Variants in ELP4 observed in about 807,000 individuals in gnomAD.
The protein encoded by ELP4 is elongator complex protein 4.
ELP4 carries 51 observed loss-of-function variants against 48.9 expected under a neutral mutation model. The observed-to-expected ratio is 1.04, with a 90% CI of 0.83 to 1.32. The LOEUF (loss-of-function observed/expected upper bound fraction) is 1.32, where lower values mean the gene tolerates loss of function less well. Ranked by LOEUF, ELP4 falls within the 40% of genes most tolerant of loss-of-function variation. The pLI is 0.00. For missense variants in ELP4, 519 were observed against 514.6 expected (o/e 1.01, Z -0.08); for synonymous variants, 210 against 189.2 (o/e 1.11, Z -0.90).
intron 9 of ELP4, among the ~76,000 whole-genome samples, chr11:31,672,033 G>T (rs1323674929): frequency 6.6e-6 from 1 of 151,920 alleles, no homozygotes; most frequent in East Asian, 1.9e-4. Context: ...GTTTTTCTGG[G>T]GGGAGCTTAG....
intron 9 of ELP4, among the ~76,000 whole-genome samples, chr11:31,675,282 G>C (rs1200344063): frequency 7.1e-6 from 1 of 140,552 alleles, no homozygotes; most frequent in African/African-American, 2.6e-5. Flanking sequence ...TTTTTTTTTT[G>C]AGACGGAGTT....
At chr11:31,747,483 G>A (rs995288931) in intron 9 of ELP4, among the ~76,000 whole-genome samples, 1 of 152,118 alleles carries the variant, frequency 6.6e-6, no homozygotes, top group Non-Finnish European at 1.5e-5. Context: ...TACCAAATTG[G>A]GGGAAAAGGA....
chr11:31,704,421 G>C (rs1207724574), intron 9 of ELP4, among the ~76,000 whole-genome samples: 4 of 152,070 alleles, frequency 2.6e-5, no homozygotes, highest in South Asian at 2.1e-4. Flanking sequence ...CTCACTCGTA[G>C]GTGGGAATTG....
chr11:31,526,973 ATG>A (rs1766358166), intron 2 of ELP4, among the ~76,000 whole-genome samples: 1 of 151,886 alleles, frequency 6.6e-6, no homozygotes, highest in Admixed American at 6.6e-5. Context: ...CTGTACTTAC[ATG>A]TTTTATAATA....
At chr11:31,756,679 A>G (rs759236809) in intron 9 of ELP4, among the ~76,000 whole-genome samples, 1 of 152,208 alleles carries the variant, frequency 6.6e-6, no homozygotes, top group Non-Finnish European at 1.5e-5. Context: ...TGAGAAAGAA[A>G]AGGAAGAAAG....
intron 9 of ELP4, among the ~76,000 whole-genome samples, chr11:31,771,954 C>G (rs1421159444): frequency 2.0e-5 from 3 of 151,798 alleles, no homozygotes; most frequent in Non-Finnish European, 2.9e-5. Context: ...TGCACTCCAG[C>G]CTGGGCGACA....
At chr11:31,568,911 C>G (rs984385389) in intron 3 of ELP4, among the ~76,000 whole-genome samples, 2 of 151,624 alleles carry the variant, frequency 1.3e-5, no homozygotes, top group Admixed American at 1.3e-4. Context: ...ATGGTGAAAC[C>G]CCGTCTCTAC....
chr11:31,609,021 G>A (rs1329414752), intron 5 of ELP4, among the ~76,000 whole-genome samples: 1 of 152,144 alleles, frequency 6.6e-6, no homozygotes, highest in African/African-American at 2.4e-5. Context: ...ACCTTGCCAA[G>A]GTTTTGAGGA....
At position 31,615,231 on chromosome 11, in the gene ELP4, G is replaced by T. The variant is rs527481801; in HGVS notation, c.653+11324G>T. 7.9e-5 allele frequency among the ~76,000 whole-genome samples: 12 copies of T among 152,166 alleles called. No homozygotes were observed. In the South Asian group the frequency reaches 2.5e-3, roughly 32 times the overall value. ...TCAAAATTTCAAAAATTACATACAT[G>T]CATATATTTCATTAAATTATGGTTA... On this transcript the variant is annotated intron_variant, in intron 5 of 9. Transcript: ENST00000640961.
At chr11:31,708,187 TC>T (rs1313175589) in intron 9 of ELP4, among the ~76,000 whole-genome samples, 4 of 152,144 alleles carry the variant, frequency 2.6e-5, no homozygotes, top group African/African-American at 7.2e-5. Flanking sequence ...CCTTTTCAGC[TC>T]CCAGAGTAGT....
intron 4 of ELP4, among the ~76,000 whole-genome samples, chr11:31,603,449 T>C (rs1329063761): frequency 2.0e-5 from 3 of 151,784 alleles, no homozygotes; most frequent in Non-Finnish European, 4.4e-5. Context: ...TTAAGAATTA[T>C]GTATATTAAG....
rs866821760 is a variant in ELP4, at chr11:31,785,978, C to A, written c.*2454C>A. The A allele has an allele frequency of 5.0e-6, 1 of 200,358 alleles. No homozygotes were observed. Among genetic ancestry groups the A allele is most frequent in the African/African-American group, 2.3e-5 (1 of 43,544 alleles). The allele number at this position is 200,358 out of a possible 1,614,324, so 12.4% of individuals were successfully genotyped here. ...GAACTTCAAAACCCTATATGGTACTCATTTCTTACACTAGATTTGCCTTTC... is the reference window on the plus strand; with the variant it reads ...GAACTTCAAAACCCTATATGGTACTAATTTCTTACACTAGATTTGCCTTTC... On this transcript the variant is annotated 3_prime_UTR_variant, in exon 10 of 10. Transcript: ENST00000640961.
At chr11:31,575,779 T>C (rs1410666384) in intron 3 of ELP4, among the ~76,000 whole-genome samples, 1 of 152,200 alleles carries the variant, frequency 6.6e-6, no homozygotes, top group African/African-American at 2.4e-5. Flanking sequence ...TTACAGGAGC[T>C]CGTGAATGAA....
chr11:31,737,458 T>TA (rs766842765), intron 9 of ELP4, among the ~76,000 whole-genome samples: 4 of 151,402 alleles, frequency 2.6e-5, no homozygotes, highest in Non-Finnish European at 5.9e-5. Flanking sequence ...CCCTAAAACT[T>TA]AAAGTATAAT....
At chr11:31,562,632 T>C (rs1343510347) in intron 3 of ELP4, among the ~76,000 whole-genome samples, 2 of 152,224 alleles carry the variant, frequency 1.3e-5, no homozygotes, top group African/African-American at 4.8e-5. Flanking sequence ...TCACCCTTTC[T>C]TTTTGTAATA....
intron 3 of ELP4, among the ~76,000 whole-genome samples, chr11:31,557,568 G>GTA (rs1174376675): frequency 2.6e-5 from 4 of 152,012 alleles, no homozygotes; most frequent in Middle Eastern, 3.2e-3. Flanking sequence ...CTGCATTGTA[G>GTA]TATAGTTTGG....
chr11:31,769,123 C>A (rs1166689359), intron 9 of ELP4, among the ~76,000 whole-genome samples: 1 of 152,064 alleles, frequency 6.6e-6, no homozygotes, highest in South Asian at 2.1e-4. Context: ...TTCTTCATAC[C>A]GAGGAACTAG....
intron 5 of ELP4, among the ~76,000 whole-genome samples, chr11:31,626,584 G>A (rs1000273934): frequency 2.0e-5 from 3 of 151,604 alleles, no homozygotes; most frequent in Admixed American, 6.6e-5. Flanking sequence ...TTTAACAAGG[G>A]AAGTGAAAAT....
chr11:31,747,698 C>T (rs1284687186), intron 9 of ELP4, among the ~76,000 whole-genome samples: 1 of 152,158 alleles, frequency 6.6e-6, no homozygotes, highest in Non-Finnish European at 1.5e-5. Flanking sequence ...TAGTAATCAC[C>T]ATGGTCAGAG....
Sources: gnomAD v4.1 joint callset for allele counts (sites outside exome capture counted in the v4.1 genomes callset) on GRCh38, gnomAD v4.1.1 for gene constraint, MANE v1.5 for transcripts, NCBI Gene and HGNC (gene_info 2026-07-23, HGNC 2026-07-21) for gene names.